Variants in EOMES observed in about 807,000 individuals in gnomAD.
EOMES encodes eomesodermin, also known as eomesodermin homolog.
In EOMES, 18 loss-of-function variants were observed where a neutral mutation model predicts 61.0. That is an observed-to-expected ratio of 0.30 (90% CI 0.20 to 0.44). EOMES has a LOEUF of 0.44. EOMES is among the 20% of genes least tolerant of loss of function. The pLI is 1.00. For missense variants in EOMES, 885 were observed against 939.2 expected (o/e 0.94, Z 0.75); for synonymous variants, 430 against 394.0 (o/e 1.09, Z -1.08).
upstream of EOMES, chr3:27,722,467 G>C: frequency 7.4e-7 from 1 of 1,357,466 alleles, no homozygotes; most frequent in Non-Finnish European, 9.4e-7. Flanking sequence ...GTACTGGCGC[G>C]CCCTGAATCC....
rs545670833 is a variant in EOMES at position 27,717,846 on chromosome 3, A to G, written c.1380-38T>C. ...GAGAAACACTTAAAAAAAAAAAAAA[A>G]CCCTAATGTTGTCCCCAAACAAACC... On this transcript the variant is annotated intron_variant, in intron 5 of 5. Coordinates refer to ENST00000449599, the MANE Select transcript of EOMES (RefSeq NM_001278182.2). This position sits in a 1 kb window ranked among gnomAD's most constrained non-coding sequence, Gnocchi z 4.5. 129 of 1,230,008 alleles carry G rather than the reference A, an allele frequency of 1.0e-4. No individual in the cohort carries two copies. The South Asian group carries it at 2.2e-3, about 21-fold the overall frequency. The allele number at this position is 1,230,008 out of a possible 1,614,324, so 76.2% of individuals were successfully genotyped here. A position where few individuals can be genotyped will look rare whatever the true frequency, so the allele number is the denominator to read the frequency against.
intron 2 of EOMES, 90 bp downstream of exon 2, chr3:27,720,081 A>C (rs79069392): frequency 1.4e-5 from 18 of 1,287,856 alleles, no homozygotes; most frequent in Non-Finnish European, 1.8e-5. Flanking sequence ...GGAAAAAAAA[A>C]GTGCTACATT....
rs777771224 is a variant in EOMES, at chr3:27,722,071, G to C, written c.224C>G (p.Ala75Gly). 10 of 1,546,120 alleles carry C rather than the reference G, an allele frequency of 6.5e-6. 1 individual carries two copies. In the South Asian group the frequency reaches 9.6e-5, roughly 15 times the overall value. Residue 75 changes from alanine to glycine, a missense_variant, in exon 1 of 6, where the codon GCC (alanine) becomes GGC (glycine). Physicochemically the swap from Ala to Gly is moderately conservative, Grantham distance 60 (BLOSUM62 0). Around this residue, in one of 3 missense-constraint regions of EOMES, gnomAD observed 449 missense variants for 383.6 expected, o/e 1.17. Transcript: ENST00000449599. ...SGEPAAASAG[A>G]PAAMLSDTDA... is the part of the protein sequence containing the mutation. ...GGTGTCACTAAGCATGGCCGCGGGG[G>C]CCCCTGCGCTGGCGGCTGCGGGCTC... is the stretch of plus-strand genomic sequence containing the variant.
chr3:27,721,627 C>A lies in EOMES; in HGVS notation c.668G>T (p.Gly223Val), dbSNP rs777311354. The change falls in exon 1 of 6, where the codon GGC (glycine) becomes GTC (valine). Residue 223 changes from glycine to valine, a missense_variant. By Grantham distance (109) the Gly-to-Val change is moderately radical. Coordinates refer to ENST00000449599, the MANE Select transcript of EOMES (RefSeq NM_001278182.2). The surrounding 1 kb of genome is among the most constrained non-coding windows in gnomAD (Gnocchi z 7.4). ...GAGSGAGGSSGGGGGPGTYQY... is the reference protein window; with the variant it reads ...GAGSGAGGSSVGGGGPGTYQY... Reference sequence around the variant, plus strand: ...ATAGGTGCCCGGGCCGCCGCCCCCGCCGCTGCTACCGCCCGCGCCACTGCC... The same window carrying A: ...ATAGGTGCCCGGGCCGCCGCCCCCGACGCTGCTACCGCCCGCGCCACTGCC... 6.5e-6 allele frequency: 10 copies of A among 1,542,472 alleles called. No homozygotes were observed. In the South Asian group the frequency reaches 1.2e-4, roughly 18 times the overall value.
At chr3:27,718,073 T>C (rs1389861700) in intron 5 of EOMES, among the ~76,000 whole-genome samples, 1 of 152,116 alleles carries the variant, frequency 6.6e-6, no homozygotes, top group Non-Finnish European at 1.5e-5. Flanking sequence ...CCTTTACTAG[T>C]CCTAGAACAC....
intron 3 of EOMES, 140 bp from the exon 4 acceptor site, chr3:27,719,033 A>C (rs56306375): frequency 0.15 from 105,552 of 697,336 alleles, 9,803 homozygotes; most frequent in Admixed American, 0.3. Context: ...TGCAAGTTTA[A>C]AGGTCTCATT....
Position 27,721,309 on chromosome 3 carries a change from C to T in EOMES, c.881+105G>A, listed in dbSNP as rs2060610850. ...ATTGCGCGCGGTGAAACACTCTAAG[C>T]ACCGCGCGGAACAACTGGGTTCAGC... On this transcript the variant is annotated intron_variant, in intron 1 of 5. Coordinates refer to ENST00000449599, the MANE Select transcript of EOMES (RefSeq NM_001278182.2). The surrounding 1 kb of genome is among the most constrained non-coding windows in gnomAD (Gnocchi z 7.4). The T allele has an allele frequency of 7.7e-6, 7 of 904,694 alleles. No individual in the cohort carries two copies. Among genetic ancestry groups the T allele is most frequent in the Non-Finnish European group, 1.2e-5 (7 of 589,312 alleles). The allele number at this position is 904,694 out of a possible 1,614,324, so 56.0% of individuals were successfully genotyped here. A position where few individuals can be genotyped will look rare whatever the true frequency, so the allele number is the denominator to read the frequency against.
At chr3:27,722,427 C>T, upstream of EOMES, 1 of 1,368,110 alleles carries the variant, frequency 7.3e-7, no homozygotes, top group South Asian at 1.7e-5. Flanking sequence ...CGGGGCTACC[C>T]ACCTGCCGAC....
rs1157650397 is a variant in EOMES, at chr3:27,721,141, T to G, written c.881+273A>C. 1.3e-5 allele frequency among the ~76,000 whole-genome samples: 2 copies of G among 152,062 alleles called. No individual in the cohort carries two copies. Among genetic ancestry groups the G allele is most frequent in the Admixed American group, 1.3e-4 (2 of 15,272 alleles). ...GCTTGTGGACATGCCCTAATTTCCA[T>G]TTCCGCCTCCTCCAGGTCTGTTCAG... On this transcript the variant is annotated intron_variant, in intron 1 of 5. Transcript: ENST00000449599. The surrounding 1 kb of genome is among the most constrained non-coding windows in gnomAD (Gnocchi z 7.4).
rs779943933 is a variant in EOMES, at chr3:27,721,517, C to T, written c.778G>A (p.Val260Ile). ...TGGGCACGGAAGCCAGAACCTGGAA[C>T]CCCCAGGCCCCCCAGTCCTCCGCAA... The part of the protein sequence containing the change: ...GSCGGLGGLG[V>I]PGSGFRAHVY... The change falls in exon 1 of 6, where the codon GTT becomes ATT. Residue 260 changes from valine (V) to isoleucine (I), a missense_variant. Val to Ile is a conservative substitution (Grantham distance 29, BLOSUM62 3). Transcript: ENST00000449599. This position sits in a 1 kb window ranked among gnomAD's most constrained non-coding sequence, Gnocchi z 7.4. 2.9e-5 allele frequency: 47 copies of T among 1,610,538 alleles called. No homozygotes were observed. The highest frequency in any genetic ancestry group is 2.0e-5 in the Non-Finnish European group (23 of 1,178,418).
At chr3:27,719,071 T>C (rs1205077547) in intron 3 of EOMES, among the ~76,000 whole-genome samples, 178 bp from the exon 4 acceptor site, 1 of 151,796 alleles carries the variant, frequency 6.6e-6, no homozygotes, top group Non-Finnish European at 1.5e-5. Flanking sequence ...TTTTTGAAAT[T>C]TAAATCATAG....
chr3:27,721,707 G>A lies in EOMES; in HGVS notation c.588C>T (p.Phe196=). 1 of 1,486,542 alleles carries A rather than the reference G, an allele frequency of 6.7e-7. No individual in the cohort carries two copies. The highest frequency in any genetic ancestry group is 1.5e-5 in the African/African-American group (1 of 67,704). The allele number at this position is 1,486,542 out of a possible 1,614,324, so 92.1% of individuals were successfully genotyped here. Residue 196 remains phenylalanine (F), a synonymous_variant, in exon 1 of 6, where the codon TTC becomes TTT. Coordinates refer to ENST00000449599, the MANE Select transcript of EOMES (RefSeq NM_001278182.2). This position sits in a 1 kb window ranked among gnomAD's most constrained non-coding sequence, Gnocchi z 7.4. ...PYGSMLPPGG[F]PAAVCPPGRA... ...TCCCGGGTGGGCACACAGCCGCGGGGAAGCCGCCGGGGGGCAGCATGGAGC... is the reference window on the plus strand; with the variant it reads ...TCCCGGGTGGGCACACAGCCGCGGGAAAGCCGCCGGGGGGCAGCATGGAGC...
intron 5 of EOMES, among the ~76,000 whole-genome samples, chr3:27,718,124 A>T (rs1432946085): frequency 2.6e-5 from 4 of 152,196 alleles, no homozygotes; most frequent in African/African-American, 9.6e-5. Context: ...TGTGATGGAA[A>T]AAACACTGGC....
At position 27,721,277 on chromosome 3, in the gene EOMES, G is replaced by A. The variant is rs948124250; in HGVS notation, c.881+137C>T. ...CCGCATTGGAGATGCGGTGTCTACG[G>A]AGATTTATTGCGCGCGGTGAAACAC... On this transcript the variant is annotated intron_variant, in intron 1 of 5. Transcript: ENST00000449599. This position sits in a 1 kb window ranked among gnomAD's most constrained non-coding sequence, Gnocchi z 7.4. The A allele has an allele frequency of 8.8e-6, 6 of 678,936 alleles. No homozygotes were observed. The highest frequency in any genetic ancestry group is 1.2e-5 in the Non-Finnish European group (5 of 403,736). 42.1% of individuals were successfully genotyped at this position (678,936 alleles called of 1,614,324 possible).
chr3:27,717,396 C>A lies in EOMES; in HGVS notation c.1792G>T (p.Gly598Cys). The change falls in exon 6 of 6, where the codon GGT (glycine) becomes TGT (cysteine). Residue 598 changes from glycine to cysteine, a missense_variant. Physicochemically the swap from Gly to Cys is radical, Grantham distance 159 (BLOSUM62 -3). This residue lies in a region of EOMES where 259 missense variants were observed against 282.3 expected (regional missense o/e 0.92). Transcript: ENST00000449599. The surrounding 1 kb of genome is among the most constrained non-coding windows in gnomAD (Gnocchi z 4.5). Reference sequence around the variant, plus strand: ...GCTGCCATCTTCCTCTGGTAAGAACCTCGACCTCCCCACCCTGCCATTGCA... The same window carrying A: ...GCTGCCATCTTCCTCTGGTAAGAACATCGACCTCCCCACCCTGCCATTGCA... ...FPAMAGWGGR[G>C]SYQRKMAAGL... 3.1e-6 allele frequency: 5 copies of A among 1,614,196 alleles called. No homozygotes were observed. The highest frequency in any genetic ancestry group is 3.4e-6 in the Non-Finnish European group (4 of 1,180,026).
At position 27,719,926 on chromosome 3, in the gene EOMES, T is replaced by TG. The variant is rs570551243; in HGVS notation, c.1036+244dup. Among the ~76,000 whole-genome samples the TG allele has an allele frequency of 4.2e-3, 629 of 149,902 alleles. 5 individuals are homozygous for TG. The highest frequency in any genetic ancestry group is 0.015 in the African/African-American group (589 of 40,540). ...CTACTGATTTGTTAAACGTAGGGATTGGGGGGTGGGGTGATGTCTTAGTTA... is the reference window on the plus strand; with the variant it reads ...CTACTGATTTGTTAAACGTAGGGATTGGGGGGGTGGGGTGATGTCTTAGTTA... On this transcript the variant is annotated intron_variant, in intron 2 of 5. Transcript: ENST00000449599.
At position 27,722,033 on chromosome 3, in the gene EOMES, C is replaced by A; in HGVS notation, c.262G>T (p.Ala88Ser). The A allele has an allele frequency of 6.5e-7, 1 of 1,528,436 alleles. No homozygotes were observed. Among genetic ancestry groups the A allele is most frequent in the Non-Finnish European group, 8.8e-7 (1 of 1,138,548 alleles). 94.7% of individuals were successfully genotyped at this position (1,528,436 alleles called of 1,614,324 possible). A position where few individuals can be genotyped will look rare whatever the true frequency, so the allele number is the denominator to read the frequency against. ...GCCACTGCCGCAGCGCTGGCAAATG[C>A]GTCCCCGGCGTCGGTGTCACTAAGC... Reference protein sequence around the residue: ...AMLSDTDAGDAFASAAAVAKP... With the variant: ...AMLSDTDAGDSFASAAAVAKP... Residue 88 changes from alanine (A) to serine (S), a missense_variant, in exon 1 of 6, where the codon GCA (alanine) becomes TCA (serine). Transcript: ENST00000449599.
intron 5 of EOMES, among the ~76,000 whole-genome samples, chr3:27,718,346 C>A (rs2060585239): frequency 6.6e-6 from 1 of 152,092 alleles, no homozygotes; most frequent in Non-Finnish European, 1.5e-5. Context: ...TTCAAATCTT[C>A]ACTCAAATGC....
Position 27,717,183 on chromosome 3 carries a change from A to G in EOMES, c.2005T>C (p.Ser669Pro). The change falls in exon 6 of 6, where the codon TCC becomes CCC. Residue 669 changes from serine (S) to proline (P), a missense_variant. Physicochemically the swap from Ser to Pro is moderately conservative, Grantham distance 74. Around this residue, in one of 3 missense-constraint regions of EOMES, gnomAD observed 259 missense variants for 282.3 expected, o/e 0.92. Coordinates refer to ENST00000449599, the MANE Select transcript of EOMES (RefSeq NM_001278182.2). The surrounding 1 kb of genome is among the most constrained non-coding windows in gnomAD (Gnocchi z 4.5). ...CKRRRLSPSNSSNENSPSIKC... is the reference protein window; with the variant it reads ...CKRRRLSPSNPSNENSPSIKC... ...ATGGAGGGTGAATTTTCATTACTGG[A>G]GTTGCTAGGAGACAGCCGCCTTCGC... 6.2e-6 allele frequency: 10 copies of G among 1,613,970 alleles called. No individual in the cohort carries two copies. Among genetic ancestry groups the G allele is most frequent in the Non-Finnish European group, 8.5e-6 (10 of 1,179,838 alleles).
Sources: gnomAD v4.1 joint callset for allele counts (sites outside exome capture counted in the v4.1 genomes callset) on GRCh38, gnomAD v4.1.1 for gene constraint, gnomAD v4.1.1 regional missense constraint, Gnocchi (gnomAD v3.1) non-coding constraint, MANE v1.5 for transcripts, NCBI Gene and HGNC (gene_info 2026-07-23, HGNC 2026-07-21) for gene names.